The following RABGAP1L variants were observed in gnomAD, a reference collection of about 807,000 sequenced individuals.
RABGAP1L encodes the protein RAB GTPase activating protein 1 like.
Under a neutral mutation model 137.7 loss-of-function variants are expected in RABGAP1L, and 63 were observed. The observed-to-expected ratio is 0.46, with a 90% CI of 0.37 to 0.56. RABGAP1L has a LOEUF of 0.56. Among genes scored for constraint, RABGAP1L ranks in the 20% least tolerant of loss-of-function variants. The pLI is 0.00. For missense variants in RABGAP1L, 1,095 were observed against 1,244.0 expected (o/e 0.88, Z 1.80); for synonymous variants, 431 against 433.7 (o/e 0.99, Z 0.08).
intron 14 of RABGAP1L, among the ~76,000 whole-genome samples, chr1:174,638,340 A>G (rs1278993367): frequency 2.0e-5 from 3 of 152,210 alleles, no homozygotes; most frequent in African/African-American, 4.8e-5. Context: ...GTTTCATTTT[A>G]TATTTACTGT....
chr1:174,181,531 G>C (rs1402210359), intron 1 of RABGAP1L, among the ~76,000 whole-genome samples: 1 of 151,980 alleles, frequency 6.6e-6, no homozygotes, highest in Non-Finnish European at 1.5e-5. Flanking sequence ...TAGAGATGGG[G>C]TTTCACCGTG....
intron 15 of RABGAP1L, among the ~76,000 whole-genome samples, chr1:174,687,711 A>T (rs1391734886): frequency 1.3e-5 from 2 of 152,148 alleles, no homozygotes; most frequent in Non-Finnish European, 2.9e-5. Context: ...TACATAAGCT[A>T]TTGCTTCTTT....
chr1:174,535,945 A>G (rs1664854990), intron 13 of RABGAP1L, among the ~76,000 whole-genome samples: 1 of 152,158 alleles, frequency 6.6e-6, no homozygotes, highest in Non-Finnish European at 1.5e-5. Flanking sequence ...ATTCTGTTAC[A>G]GGACAGTGCC....
intron 19 of RABGAP1L, among the ~76,000 whole-genome samples, chr1:174,929,683 C>T (rs1258085377): frequency 1.3e-5 from 2 of 151,506 alleles, no homozygotes; most frequent in East Asian, 3.9e-4. Context: ...GTCGAGGCTA[C>T]AGTGAGCTAT....
chr1:174,352,706 C>T (rs1474570621), intron 11 of RABGAP1L, among the ~76,000 whole-genome samples: 2 of 152,016 alleles, frequency 1.3e-5, no homozygotes, highest in Non-Finnish European at 2.9e-5. Context: ...TTATTTGTAC[C>T]AGTTCTTCCT....
intron 25 of RABGAP1L, among the ~76,000 whole-genome samples, 199 bp from the exon 26 acceptor site, chr1:174,989,650 C>G (rs1216274245): frequency 6.6e-6 from 1 of 152,146 alleles, no homozygotes; most frequent in Non-Finnish European, 1.5e-5. Context: ...AAAGAAAGCA[C>G]AGATTCTAGA....
chr1:174,940,317 T>G (rs1235825335), intron 19 of RABGAP1L, among the ~76,000 whole-genome samples: 1 of 151,750 alleles, frequency 6.6e-6, no homozygotes, highest in Non-Finnish European at 1.5e-5. Flanking sequence ...CAGGCTGGAA[T>G]GCAGTTGCAC....
At chr1:174,551,013 TATATATATAC>T (rs1666492352) in intron 13 of RABGAP1L, among the ~76,000 whole-genome samples, 1 of 121,882 alleles carries the variant, frequency 8.2e-6, no homozygotes, top group Non-Finnish European at 1.6e-5. Flanking sequence ...TATATATATA[TATATATATAC>T]ATACACACAC....
At chr1:174,257,485 T>C (rs1310661961) in intron 7 of RABGAP1L, among the ~76,000 whole-genome samples, 2 of 152,204 alleles carry the variant, frequency 1.3e-5, no homozygotes, top group East Asian at 3.8e-4. Flanking sequence ...CACACACATT[T>C]AAATATATTA....
intron 10 of RABGAP1L, among the ~76,000 whole-genome samples, chr1:174,288,424 T>C (rs1294777733): frequency 2.0e-5 from 3 of 152,208 alleles, no homozygotes; most frequent in Non-Finnish European, 4.4e-5. Context: ...TTTTTGTTTG[T>C]TGGGGAAAGT....
chr1:174,655,005 A>G (rs530688720), intron 14 of RABGAP1L, among the ~76,000 whole-genome samples: 2 of 152,252 alleles, frequency 1.3e-5, no homozygotes, highest in East Asian at 3.9e-4. Flanking sequence ...ATATATACAT[A>G]TATTTCCAGA....
At chr1:174,911,035 C>T (rs1659968129) in intron 19 of RABGAP1L, among the ~76,000 whole-genome samples, 1 of 152,128 alleles carries the variant, frequency 6.6e-6, no homozygotes, top group South Asian at 2.1e-4. Flanking sequence ...GATTGCATTT[C>T]CTTAATGACT....
rs1573209260 is a variant in RABGAP1L, at chr1:174,790,523, A to G, written c.2212-21309A>G. On this transcript the variant is annotated intron_variant, in intron 18 of 25. Coordinates refer to ENST00000681986, the MANE Select transcript of RABGAP1L (RefSeq NM_001366446.1). ...TTTTTGAATGCCAGTAATCCTAGCT[A>G]CTCAGTAGGCGGAGTCAGGAGAATC... Among the ~76,000 whole-genome samples the G allele has an allele frequency of 1.3e-5, 2 of 151,666 alleles. 1 individual carries two copies. The highest frequency in any genetic ancestry group is 3.9e-4 in the East Asian group (2 of 5,090).
chr1:174,430,819 T>C lies in RABGAP1L; in HGVS notation c.1710+36674T>C, dbSNP rs191818281. On this transcript the variant is annotated intron_variant, in intron 13 of 25. Coordinates refer to ENST00000681986, the MANE Select transcript of RABGAP1L (RefSeq NM_001366446.1). ...TAAACTCATGATTAAGATTTTGTTT[T>C]TTGTTTTTTAACTTGGACTGCAGAG... 2.0e-5 allele frequency among the ~76,000 whole-genome samples: 3 copies of C among 152,312 alleles called. No homozygotes were observed. The East Asian group carries it at 5.8e-4, about 29-fold the overall frequency.
chr1:174,291,739 A>G (rs1676626457), intron 10 of RABGAP1L, among the ~76,000 whole-genome samples: 1 of 151,986 alleles, frequency 6.6e-6, no homozygotes, highest in African/African-American at 2.4e-5. Context: ...TGCACAAAAT[A>G]TTGACCTATT....
At chr1:174,709,544 A>G (rs748548004) in intron 17 of RABGAP1L, among the ~76,000 whole-genome samples, 1 of 152,220 alleles carries the variant, frequency 6.6e-6, no homozygotes, top group African/African-American at 2.4e-5. Context: ...CAGGTTCTGC[A>G]GTGGACCTCC....
At chr1:174,161,329 G>A (rs1163823579) in intron 1 of RABGAP1L, among the ~76,000 whole-genome samples, 3 of 150,968 alleles carry the variant, frequency 2.0e-5, no homozygotes, top group Non-Finnish European at 3.0e-5. Context: ...CACAACCTCC[G>A]CCTCCCGGGT....
chr1:174,291,154 C>T (rs1676565433), intron 10 of RABGAP1L, among the ~76,000 whole-genome samples: 1 of 152,138 alleles, frequency 6.6e-6, no homozygotes, highest in Non-Finnish European at 1.5e-5. Flanking sequence ...TTTTTCTTCT[C>T]TTGCTTAGTT....
At chr1:174,911,535 A>G (rs1278541879) in intron 19 of RABGAP1L, among the ~76,000 whole-genome samples, 1 of 152,230 alleles carries the variant, frequency 6.6e-6, no homozygotes, top group Non-Finnish European at 1.5e-5. Context: ...GAGACTGGAG[A>G]TAAATTTTGT....
Sources: allele counts gnomAD v4.1 joint callset (sites outside exome capture counted in the v4.1 genomes callset), GRCh38; gene constraint gnomAD v4.1.1; transcripts MANE v1.5; gene names NCBI Gene and HGNC (gene_info 2026-07-23, HGNC 2026-07-21).